PUDP: variants seen among roughly 807,000 people sequenced by gnomAD.
The protein encoded by PUDP is pseudouridine-5'-phosphatase.
In PUDP, 8 loss-of-function variants were observed where a neutral mutation model predicts 9.4. The observed-to-expected ratio is 0.85, with a 90% CI of 0.50 to 1.53. The LOEUF is 1.53. Among genes scored for constraint, PUDP ranks in the 40% most tolerant of loss-of-function variants. The pLI is 0.00. For synonymous variants in PUDP, 99 were observed against 80.7 expected, an observed-to-expected ratio of 1.23 and a Z score of -1.22; for missense variants, 188 against 189.7, an observed-to-expected ratio of 0.99 and a Z score of 0.05.
rs371044590 is a variant in PUDP at position 7,051,582 on chromosome X, C to T, written c.511-1110G>A. ...TAAAGTACTAAAAGAAAAACCAATA[C>T]ATAAAATGGGGTGTTTGTACACTGC... On this transcript the variant is annotated intron_variant, in intron 3 of 3. Transcript: ENST00000381077. Among the ~76,000 whole-genome samples the T allele has an allele frequency of 3.9e-4, 44 of 111,832 alleles. 1 individual carries two copies. In the East Asian group the frequency reaches 5.1e-3, roughly 13 times the overall value.
chrX:7,106,413 C>G (rs1361591293), intron 1 of PUDP, among the ~76,000 whole-genome samples: 5 of 112,375 alleles, frequency 4.4e-5, no homozygotes, highest in African/African-American at 9.7e-5. Context: ...TTACTCAGGG[C>G]ACAGCCTCAG....
chrX:6,848,791 T>G (rs1381234686), intron 3 of PUDP, among the ~76,000 whole-genome samples: 2 of 111,638 alleles, frequency 1.8e-5, no homozygotes, highest in African/African-American at 6.5e-5. Flanking sequence ...TTACTCCCAC[T>G]CTCATCATTT....
At chrX:7,107,242 T>C (rs1185684781) in intron 1 of PUDP, among the ~76,000 whole-genome samples, 3 of 112,041 alleles carry the variant, frequency 2.7e-5, no homozygotes, top group African/African-American at 9.7e-5. Context: ...CAAGAAGTCC[T>C]GAAAAGAGCA....
intron 3 of PUDP, among the ~76,000 whole-genome samples, chrX:6,949,547 C>A (rs1928518219): frequency 8.9e-6 from 1 of 111,949 alleles, no homozygotes; most frequent in Non-Finnish European, 1.9e-5. Flanking sequence ...TAAGGCTCAT[C>A]TCTCACCCCC....
intron 3 of PUDP, among the ~76,000 whole-genome samples, chrX:6,782,690 A>G (rs1482078196): frequency 8.9e-6 from 1 of 112,225 alleles, no homozygotes; most frequent in East Asian, 2.8e-4. Flanking sequence ...ATCTTCCAAA[A>G]CCCAACAGCC....
chrX:6,876,950 TACACACACACAC>T (rs747481639), intron 3 of PUDP, among the ~76,000 whole-genome samples: 1 of 92,533 alleles, frequency 1.1e-5, no homozygotes, highest in Non-Finnish European at 2.2e-5. Context: ...CATATATGTG[TACACACACACAC>T]ACACACACAC....
At chrX:6,997,752 A>C (rs1929270278) in intron 1 of PUDP, among the ~76,000 whole-genome samples, 2 of 111,683 alleles carry the variant, frequency 1.8e-5, no homozygotes, top group South Asian at 7.7e-4. Context: ...GAGTTGAGAG[A>C]GGACGCTGAG....
At chrX:7,085,808 G>A (rs1931246228) in intron 2 of PUDP, among the ~76,000 whole-genome samples, 1 of 111,641 alleles carries the variant, frequency 9.0e-6, no homozygotes, top group South Asian at 3.8e-4. Context: ...AGGCTGCTCT[G>A]AGTCTTTTTC....
At chrX:6,807,358 C>T (rs1569103135) in intron 3 of PUDP, among the ~76,000 whole-genome samples, 1 of 111,861 alleles carries the variant, frequency 8.9e-6, no homozygotes, top group Non-Finnish European at 1.9e-5. Context: ...CATAATAGAA[C>T]TATTGCCAAC....
chrX:7,069,540 G>A (rs1930668467), intron 3 of PUDP, among the ~76,000 whole-genome samples: 1 of 110,445 alleles, frequency 9.1e-6, no homozygotes, highest in South Asian at 3.9e-4. Context: ...AGAGAAGGGG[G>A]CAGGGGAGTA....
chrX:6,942,123 T>C lies in PUDP; in HGVS notation c.*247+35010A>G, dbSNP rs193056688. On this transcript the variant is annotated intron_variant and NMD_transcript_variant, in intron 3 of 3. Transcript: ENST00000655425. ...GGTACCATGTTTACTATTCTGGCAA[T>C]AGATACACTAAAAGCCCAGAATTCA... Among the ~76,000 whole-genome samples, 4 of 111,391 alleles carry C rather than the reference T, an allele frequency of 3.6e-5. No homozygotes were observed. In the Admixed American group the frequency reaches 3.8e-4, roughly 11 times the overall value.
upstream of PUDP, among the ~76,000 whole-genome samples, chrX:6,724,068 T>C (rs916650535): frequency 1.8e-5 from 2 of 111,947 alleles, no homozygotes; most frequent in African/African-American, 6.5e-5. Flanking sequence ...TATTTTATCT[T>C]GCATTTTAAT....
intron 1 of PUDP, among the ~76,000 whole-genome samples, chrX:7,119,415 C>T (rs1188096331): frequency 8.9e-6 from 1 of 112,377 alleles, no homozygotes; most frequent in Non-Finnish European, 1.9e-5. Flanking sequence ...AGTGCTTTCT[C>T]GTGTTTAGGA....
intron 1 of PUDP, among the ~76,000 whole-genome samples, chrX:7,106,494 T>C (rs1337618308): frequency 8.9e-6 from 1 of 112,625 alleles, no homozygotes; most frequent in Non-Finnish European, 1.9e-5. Flanking sequence ...CTGCTAATAA[T>C]AGTACCAGTA....
intron 1 of PUDP, among the ~76,000 whole-genome samples, chrX:7,131,455 G>GTCCACATCCAAT (rs1932618012): frequency 2.7e-5 from 3 of 110,236 alleles, no homozygotes; most frequent in Admixed American, 9.7e-5. Flanking sequence ...CAATGGCAGG[G>GTCCACATCCAAT]GTCCTTATTT....
chrX:6,975,172 A>T (rs914844475), intron 3 of PUDP, among the ~76,000 whole-genome samples: 1 of 109,897 alleles, frequency 9.1e-6, no homozygotes, highest in South Asian at 3.9e-4. Context: ...CCTTTAGCTC[A>T]GAGGAGTTTG....
At chrX:7,050,507 T>C (rs370631064) in intron 3 of PUDP, 35 bp from the exon 4 acceptor site, 59 of 1,145,996 alleles carry the variant, frequency 5.1e-5, no homozygotes, top group Non-Finnish European at 6.3e-5. Flanking sequence ...GATGGCCTTT[T>C]ATGGAACCAG....
At chrX:7,017,160 A>G (rs1313536217) in intron 1 of PUDP, among the ~76,000 whole-genome samples, 4 of 112,282 alleles carry the variant, frequency 3.6e-5, no homozygotes, top group Non-Finnish European at 7.5e-5. Flanking sequence ...TTCATGTTAT[A>G]TTATTGCATA....
chrX:6,871,251 C>T (rs148015774), intron 3 of PUDP, among the ~76,000 whole-genome samples: 32 of 111,528 alleles, frequency 2.9e-4, no homozygotes, highest in African/African-American at 9.8e-4. Flanking sequence ...CTTCTCTCTC[C>T]ACCCACTCCT....
Sources: gnomAD v4.1 joint callset for allele counts (sites outside exome capture counted in the v4.1 genomes callset) on GRCh38, gnomAD v4.1.1 for gene constraint, MANE v1.5 for transcripts, NCBI Gene and HGNC (gene_info 2026-07-23, HGNC 2026-07-21) for gene names.